The following PLCB2 variants were observed in gnomAD, a reference collection of about 807,000 sequenced individuals.
PLCB2 encodes 1-phosphatidylinositol 4,5-bisphosphate phosphodiesterase beta-2.
A neutral mutation model predicts 141.7 loss-of-function variants in PLCB2; 115 were observed. The ratio of observed to expected loss-of-function variants is 0.81; its 90% CI spans 0.70 to 0.95. The LOEUF (loss-of-function observed/expected upper bound fraction) is 0.95, where lower values mean the gene tolerates loss of function less well. Ranked by LOEUF, PLCB2 falls within the 40% of genes least tolerant of loss-of-function variation. The pLI is 0.00. For missense variants in PLCB2, 1,403 were observed against 1,541.1 expected, an observed-to-expected ratio of 0.91 and a Z score of 1.50; for synonymous variants, 603 against 595.6, an observed-to-expected ratio of 1.01 and a Z score of -0.18.
chr15:40,305,608 AAGACAT>A (rs1472846897), intron 1 of PLCB2, among the ~76,000 whole-genome samples: 2 of 152,222 alleles, frequency 1.3e-5, no homozygotes, highest in African/African-American at 4.8e-5. Flanking sequence ...GAAGGGGCTG[AAGACAT>A]AGTTGTGAGT....
Position 40,295,069 on chromosome 15 carries a change from G to T in PLCB2, c.1782-9C>A. The T allele has an allele frequency of 6.2e-7, 1 of 1,612,000 alleles. No individual in the cohort carries two copies. The highest frequency in any genetic ancestry group is 8.5e-7 in the Non-Finnish European group (1 of 1,178,382). ...TCTGGCGCTTGTTGTAGCTGTCCCT[G>T]AGTTTAGGACCCTAGCCAAGGCCAT... On this transcript the variant is annotated splice_polypyrimidine_tract_variant and intron_variant, in intron 17 of 31. Transcript: ENST00000260402.
rs184808876 is a variant in PLCB2 at position 40,294,693 on chromosome 15, C to T, written c.1906+243G>A. Among the ~76,000 whole-genome samples the T allele has an allele frequency of 3.9e-5, 6 of 152,318 alleles. No individual in the cohort carries two copies. The East Asian group carries it at 1.2e-3, about 29-fold the overall frequency. On this transcript the variant is annotated intron_variant, in intron 18 of 31. Coordinates refer to ENST00000260402, the MANE Select transcript of PLCB2 (RefSeq NM_004573.3). ...CTGGGGCAGGTGGCCCACAGACATACCTGGGTGGAGCGGCCAGAACCCACG... is the reference window on the plus strand; with the variant it reads ...CTGGGGCAGGTGGCCCACAGACATATCTGGGTGGAGCGGCCAGAACCCACG...
intron 21 of PLCB2, among the ~76,000 whole-genome samples, chr15:40,292,659 T>C (rs894830383): frequency 1.3e-4 from 20 of 152,204 alleles, no homozygotes; most frequent in African/African-American, 4.6e-4. Context: ...TGAGAATGTA[T>C]TATAAGCCCT....
Position 40,290,602 on chromosome 15 carries a change from T to G in PLCB2, c.3184A>C (p.Thr1062Pro). ...CTCTCCTGGGCCATCTTGTCTGTGG[T>G]GACTTTGGTCATGCCCTGGATCCGC... ...LERIQGMTKV[T>P]TDKMAQERLK... Residue 1062 changes from threonine (T) to proline (P), a missense_variant, in exon 29 of 32, where the codon ACC (threonine) becomes CCC (proline). Physicochemically the swap from Thr to Pro is conservative, Grantham distance 38. Transcript: ENST00000260402. 1.2e-6 allele frequency: 2 copies of G among 1,614,108 alleles called. No homozygotes were observed. Among genetic ancestry groups the G allele is most frequent in the Non-Finnish European group, 1.7e-6 (2 of 1,179,942 alleles).
rs568347287 is a variant in PLCB2, at chr15:40,295,327, G to A, written c.1697-42C>T. ...GGGAGGGGAGGAGTTTTATCAGGCTGTCCCCTCCCTCAGTCTTGGCCTCCC... is the reference window on the plus strand; with the variant it reads ...GGGAGGGGAGGAGTTTTATCAGGCTATCCCCTCCCTCAGTCTTGGCCTCCC... On this transcript the variant is annotated intron_variant, in intron 16 of 31. Transcript: ENST00000260402. 57 of 1,368,818 alleles carry A rather than the reference G, an allele frequency of 4.2e-5. No homozygotes were observed. The African/African-American group carries it at 7.6e-4, about 18-fold the overall frequency. 84.8% of individuals were successfully genotyped at this position (1,368,818 alleles called of 1,614,324 possible). A position where few individuals can be genotyped will look rare whatever the true frequency, so the allele number is the denominator to read the frequency against.
At position 40,296,763 on chromosome 15, in the gene PLCB2, G is replaced by A; in HGVS notation, c.1469C>T (p.Pro490Leu). ...EAEGSSPPSA[P>L]AGEGTVWAGE... ...CGACTCACCTGTGCCCTCACCTGCA[G>A]GGGCACTGGGTGGGCTGCTGCCCTC... is the stretch of plus-strand genomic sequence containing the variant. Residue 490 changes from proline to leucine, a missense_variant, in exon 14 of 32, where the codon CCT becomes CTT. By Grantham distance (98) the Pro-to-Leu change is moderately conservative. This residue lies in a region of PLCB2 where 975 missense variants were observed against 1,141.1 expected (regional missense o/e 0.85). Transcript: ENST00000260402. 1.2e-6 allele frequency: 2 copies of A among 1,613,550 alleles called. No individual in the cohort carries two copies. The highest frequency in any genetic ancestry group is 1.7e-6 in the Non-Finnish European group (2 of 1,179,656).
chr15:40,303,873 TG>T, intron 2 of PLCB2, 127 bp downstream of exon 2: 1 of 653,676 alleles, frequency 1.5e-6, no homozygotes, highest in Non-Finnish European at 2.7e-6. Context: ...GGGGAGCCTC[TG>T]GAGCCACCCT....
At position 40,295,607 on chromosome 15, in the gene PLCB2, G is replaced by A. The variant is rs556129970; in HGVS notation, c.1697-322C>T. On this transcript the variant is annotated intron_variant, in intron 16 of 31. Coordinates refer to ENST00000260402, the MANE Select transcript of PLCB2 (RefSeq NM_004573.3). ...GAGCCTAGGGGGTCAGTAACATGCTGTGCACACATGAAATGTGAACACATG... is the reference window on the plus strand; with the variant it reads ...GAGCCTAGGGGGTCAGTAACATGCTATGCACACATGAAATGTGAACACATG... Among the ~76,000 whole-genome samples the A allele has an allele frequency of 8.5e-5, 13 of 152,342 alleles. No homozygotes were observed. The South Asian group carries it at 2.5e-3, about 29-fold the overall frequency.
In PLCB2 at chr15:40,307,748, G is replaced by A. The variant is rs1026898092; in HGVS notation, c.-76C>T. On this transcript the variant is annotated 5_prime_UTR_variant, in exon 1 of 32. Coordinates refer to ENST00000260402, the MANE Select transcript of PLCB2 (RefSeq NM_004573.3). ...AGGGCAGGAAGGAGGCCAGCCAGGA[G>A]GGGGAGCCAAGCTGGGCTCAAATGG... is the stretch of plus-strand genomic sequence containing the variant. 30 of 1,294,834 alleles carry A rather than the reference G, an allele frequency of 2.3e-5. No homozygotes were observed. Among genetic ancestry groups the A allele is most frequent in the Non-Finnish European group, 2.8e-5 (26 of 941,154 alleles). The allele number at this position is 1,294,834 out of a possible 1,614,324, so 80.2% of individuals were successfully genotyped here.
rs763956864 is a variant in PLCB2, at chr15:40,303,366, G to C, written c.163-10C>G. Reference sequence around the variant, plus strand: ...CCAGAAACTCCATCTCCTGGGGGCAGGGTGCGGATCCCGGTGGGAGCAAAG... The same window carrying C: ...CCAGAAACTCCATCTCCTGGGGGCACGGTGCGGATCCCGGTGGGAGCAAAG... On this transcript the variant is annotated splice_polypyrimidine_tract_variant and intron_variant, in intron 2 of 31. Coordinates refer to ENST00000260402, the MANE Select transcript of PLCB2 (RefSeq NM_004573.3). 2.5e-6 allele frequency: 4 copies of C among 1,608,644 alleles called. No homozygotes were observed. Among genetic ancestry groups the C allele is most frequent in the Non-Finnish European group, 3.4e-6 (4 of 1,175,004 alleles).
intron 1 of PLCB2, among the ~76,000 whole-genome samples, chr15:40,305,541 G>A (rs1416676302): frequency 6.6e-6 from 1 of 152,166 alleles, no homozygotes; most frequent in African/African-American, 2.4e-5. Context: ...GTCCAGGGTG[G>A]GCCCATGGGA....
At chr15:40,289,538 A>T in intron 30 of PLCB2, 180 bp from the exon 31 acceptor site, 1 of 608,980 alleles carries the variant, frequency 1.6e-6, no homozygotes, top group Non-Finnish European at 2.9e-6. Context: ...GTAAAAGATT[A>T]TACAAGACAG....
At chr15:40,286,126 G>A (rs1047339510), downstream of PLCB2, 6 of 771,258 alleles carry the variant, frequency 7.8e-6, no homozygotes, top group Non-Finnish European at 9.5e-6. Flanking sequence ...CTTTGCTGCA[G>A]AGCACAGAGG....
intron 21 of PLCB2, 53 bp downstream of exon 21, chr15:40,292,873 G>T: frequency 1.6e-6 from 2 of 1,230,058 alleles, no homozygotes; most frequent in Non-Finnish European, 2.3e-6. Context: ...GCCCCACCCT[G>T]TGCACAGGCT....
intron 16 of PLCB2, 87 bp from the exon 17 acceptor site, chr15:40,295,372 G>A: frequency 1.1e-6 from 1 of 875,678 alleles, no homozygotes; most frequent in Non-Finnish European, 1.9e-6. Context: ...AGCTCCCTCT[G>A]GCCTATAGAG....
intron 1 of PLCB2, among the ~76,000 whole-genome samples, chr15:40,306,578 T>C (rs564811530): frequency 2.0e-4 from 31 of 151,878 alleles, no homozygotes; most frequent in African/African-American, 7.2e-4. Context: ...CCCACATCAC[T>C]CCTAGGGAAG....
chr15:40,302,094 T>C (rs757754704), intron 6 of PLCB2, 42 bp downstream of exon 6: 1 of 1,613,060 alleles, frequency 6.2e-7, no homozygotes, highest in Admixed American at 1.7e-5. Context: ...AGAAAGGCTT[T>C]GGGGAGCCCC....
chr15:40,295,222 T>A lies in PLCB2; in HGVS notation c.1760A>T (p.Lys587Met). ...TELKAYDLLSKASVQFVDYNK... is the reference protein window; with the variant it reads ...TELKAYDLLSMASVQFVDYNK... ...ATACTCCACAAACTGCACCGAGGCC[T>A]TGGAGAGCAGGTCATATGCCTTGAG... Residue 587 changes from lysine (K) to methionine (M), a missense_variant, in exon 17 of 32, where the codon AAG becomes ATG. Lys to Met is a moderately conservative substitution (Grantham distance 95, BLOSUM62 -1). Around this residue, in one of 4 missense-constraint regions of PLCB2, gnomAD observed 975 missense variants for 1,141.1 expected, o/e 0.85. Coordinates refer to ENST00000260402, the MANE Select transcript of PLCB2 (RefSeq NM_004573.3). 1.9e-6 allele frequency: 3 copies of A among 1,613,816 alleles called. No individual in the cohort carries two copies. Among genetic ancestry groups the A allele is most frequent in the Non-Finnish European group, 2.5e-6 (3 of 1,179,726 alleles).
intron 28 of PLCB2, 30 bp downstream of exon 28, chr15:40,290,731 G>A (rs764596543): frequency 3.7e-6 from 6 of 1,612,090 alleles, no homozygotes; most frequent in Admixed American, 1.7e-5. Flanking sequence ...GCTGGGAGGC[G>A]AAGCAGGTGT....
Sources: allele counts gnomAD v4.1 joint callset (sites outside exome capture counted in the v4.1 genomes callset), GRCh38; gene constraint gnomAD v4.1.1; regional missense constraint gnomAD v4.1.1; transcripts MANE v1.5; gene names NCBI Gene and HGNC (gene_info 2026-07-23, HGNC 2026-07-21).